The following BCCIP variants were observed in gnomAD, a reference collection of about 807,000 sequenced individuals.
BCCIP encodes the protein BRCA2 and CDKN1A-interacting protein.
In BCCIP, 23 loss-of-function variants were observed where a neutral mutation model predicts 32.8. The observed-to-expected ratio is 0.70, with a 90% CI of 0.51 to 0.99. BCCIP has a LOEUF of 0.99. Among genes scored for constraint, BCCIP ranks in the 50% least tolerant of loss-of-function variants. The pLI, the probability that BCCIP is intolerant of heterozygous loss-of-function variation, is 0.00. For synonymous variants in BCCIP, 144 were observed against 137.6 expected (o/e 1.05, Z -0.33); for missense variants, 378 against 379.8 (o/e 1.00, Z 0.04).
chr10:125,831,337 GAA>G, intron 4 of BCCIP, 81 bp from the exon 5 acceptor site: 1 of 1,389,288 alleles, frequency 7.2e-7, no homozygotes, highest in Non-Finnish European at 9.9e-7. Context: ...GCTGTAAGAT[GAA>G]AAGTGATAGC....
downstream of BCCIP, chr10:125,836,728 C>G (rs745318505): frequency 1.1e-5 from 18 of 1,614,068 alleles, no homozygotes; most frequent in Admixed American, 3.0e-4. Flanking sequence ...GGGCACGTCT[C>G]ACACATTTGC....
chr10:125,843,851 C>T (rs1854943746), downstream of BCCIP, among the ~76,000 whole-genome samples: 1 of 152,182 alleles, frequency 6.6e-6, no homozygotes, highest in Non-Finnish European at 1.5e-5. Flanking sequence ...GGGGGCAGTG[C>T]CAAACCACCC....
downstream of BCCIP, chr10:125,838,962 C>T: frequency 1.9e-6 from 3 of 1,584,520 alleles, no homozygotes; most frequent in Non-Finnish European, 2.6e-6. Context: ...ATGTGCAATT[C>T]AGCAGAGCCT....
At chr10:125,826,778 T>C (rs1854399287) in intron 2 of BCCIP, 113 bp downstream of exon 2, 1 of 1,469,960 alleles carries the variant, frequency 6.8e-7, no homozygotes, top group Non-Finnish European at 9.0e-7. Context: ...GGTGAGAGGA[T>C]TGCTTGAGCC....
chr10:125,851,571 T>C, intron 7 of BCCIP, among the ~76,000 whole-genome samples: 1 of 152,074 alleles, frequency 6.6e-6, no homozygotes, highest in Non-Finnish European at 1.5e-5. Context: ...GGAAGAGCAA[T>C]TTTCAAAAAT....
At chr10:125,838,915 C>A, downstream of BCCIP, 1 of 1,368,142 alleles carries the variant, frequency 7.3e-7, no homozygotes, top group Non-Finnish European at 9.9e-7. Flanking sequence ...ATGTCAAAAT[C>A]ATCATCCTAA....
intron 3 of BCCIP, among the ~76,000 whole-genome samples, 199 bp from the exon 4 acceptor site, chr10:125,830,363 A>G (rs1854494048): frequency 6.6e-6 from 1 of 152,232 alleles, no homozygotes; most frequent in Non-Finnish European, 1.5e-5. Flanking sequence ...ACAGTATTTA[A>G]GATACAATGC....
At chr10:125,833,451 G>A (rs552562699) in intron 5 of BCCIP, among the ~76,000 whole-genome samples, 28 of 152,232 alleles carry the variant, frequency 1.8e-4, no homozygotes, top group African/African-American at 6.7e-4. Flanking sequence ...ATTCAGATTC[G>A]TATATATTTT....
chr10:125,837,664 A>G (rs113955097), downstream of BCCIP, among the ~76,000 whole-genome samples: 1 of 152,178 alleles, frequency 6.6e-6, no homozygotes, highest in Non-Finnish European at 1.5e-5. Flanking sequence ...GGCTCAAGCC[A>G]TCTTCCTCCT....
intron 6 of BCCIP, 148 bp downstream of exon 6, chr10:125,834,094 A>C (rs1303807567): frequency 3.7e-6 from 3 of 815,400 alleles, no homozygotes; most frequent in Non-Finnish European, 5.8e-6. Context: ...CTAGCAGCTA[A>C]CATAGTGCCA....
At position 125,833,755 on chromosome 10, in the gene BCCIP, G is replaced by T; in HGVS notation, c.600-17G>T. The stretch of plus-strand genomic sequence containing the variant: ...TTGACCCAGCAGGTAAACAAATGTT[G>T]TGTGTGTGCCTTGCAGGAAAGAACT... On this transcript the variant is annotated splice_polypyrimidine_tract_variant and intron_variant, in intron 5 of 6. Transcript: ENST00000278100. The T allele has an allele frequency of 1.2e-6, 2 of 1,612,428 alleles. No individual in the cohort carries two copies. Among genetic ancestry groups the T allele is most frequent in the South Asian group, 2.2e-5 (2 of 90,606 alleles).
intron 5 of BCCIP, 97 bp downstream of exon 5, chr10:125,831,704 T>G: frequency 3.2e-6 from 4 of 1,261,214 alleles, no homozygotes; most frequent in Non-Finnish European, 4.4e-6. Context: ...TAGAAAGAGT[T>G]CTGTCCTTGG....
At chr10:125,838,946 C>G, downstream of BCCIP, 2 of 1,532,092 alleles carry the variant, frequency 1.3e-6, no homozygotes, top group South Asian at 2.5e-5. Flanking sequence ...GCAGCATATC[C>G]TGAGTATGTG....
At chr10:125,837,372 A>G (rs1854726946), downstream of BCCIP, among the ~76,000 whole-genome samples, 1 of 152,218 alleles carries the variant, frequency 6.6e-6, no homozygotes, top group African/African-American at 2.4e-5. Context: ...AGACTAGTGG[A>G]GTAGTCTCAC....
At chr10:125,841,604 C>T in exon 7 of BCCIP, 1 of 1,454,306 alleles carries the variant, frequency 6.9e-7, no homozygotes, top group Non-Finnish European at 9.0e-7. Context: ...AAATACCTCA[C>T]TATCATTTCA....
At chr10:125,834,010 G>T (rs545447789) in intron 6 of BCCIP, 64 bp downstream of exon 6, 1 of 1,550,030 alleles carries the variant, frequency 6.5e-7, no homozygotes. Flanking sequence ...GATTTATCAA[G>T]ATTTATTGTT....
chr10:125,830,510 C>G, intron 3 of BCCIP, 52 bp from the exon 4 acceptor site: 1 of 1,217,036 alleles, frequency 8.2e-7, no homozygotes, highest in Non-Finnish European at 1.1e-6. Context: ...TGGTTTTATA[C>G]TCTTGGTATT....
intron 1 of BCCIP, among the ~76,000 whole-genome samples, chr10:125,824,163 C>A (rs1854285336): frequency 6.6e-6 from 1 of 152,206 alleles, no homozygotes; most frequent in African/African-American, 2.4e-5. Context: ...GAAGCCTTTT[C>A]AAATGCTCTT....
chr10:125,837,660 A>C (rs1250382652), downstream of BCCIP, among the ~76,000 whole-genome samples: 1 of 152,176 alleles, frequency 6.6e-6, no homozygotes, highest in Non-Finnish European at 1.5e-5. Flanking sequence ...CTTGGGCTCA[A>C]GCCATCTTCC....
Sources: gnomAD v4.1 joint callset for allele counts (sites outside exome capture counted in the v4.1 genomes callset) on GRCh38, gnomAD v4.1.1 for gene constraint, MANE v1.5 for transcripts, NCBI Gene and HGNC (gene_info 2026-07-23, HGNC 2026-07-21) for gene names.